Variants in BBOX1 observed in about 807,000 individuals in gnomAD.
The protein encoded by BBOX1 is gamma-butyrobetaine dioxygenase.
BBOX1 carries 35 observed loss-of-function variants against 41.6 expected under a neutral mutation model. The ratio of observed to expected loss-of-function variants is 0.84; its 90% CI spans 0.64 to 1.11. BBOX1 has a LOEUF of 1.11. BBOX1 is among the 50% of genes most tolerant of loss of function. The probability of loss-of-function intolerance (pLI) is 0.00; values close to 1 mark genes in which losing one functional copy is unlikely to be tolerated. For synonymous variants in BBOX1, 163 were observed against 154.7 expected (o/e 1.05, Z -0.40); for missense variants, 458 against 460.6 (o/e 0.99, Z 0.05).
intron 4 of BBOX1, among the ~76,000 whole-genome samples, chr11:27,068,746 T>G (rs1157598877): frequency 6.6e-6 from 1 of 152,070 alleles, no homozygotes. Context: ...AGTTGATTTT[T>G]TATAAGGTAT....
rs1048732874 is a variant in BBOX1 at position 27,125,949 on chromosome 11, G to A, written c.1003+129G>A. The stretch of plus-strand genomic sequence containing the variant: ...AACACCAACAACAGAATCTTGGTGA[G>A]CAACTGACTTGCTTATGTAGTGGAC... On this transcript the variant is annotated intron_variant, in intron 8 of 8. Coordinates refer to ENST00000263182, the MANE Select transcript of BBOX1 (RefSeq NM_003986.3). 5.2e-6 allele frequency: 5 copies of A among 956,426 alleles called. No individual in the cohort carries two copies. In the African/African-American group the frequency reaches 8.3e-5, roughly 16 times the overall value. The allele number at this position is 956,426 out of a possible 1,614,324, so 59.2% of individuals were successfully genotyped here.
intron 4 of BBOX1, among the ~76,000 whole-genome samples, chr11:27,066,027 G>A (rs1857269265): frequency 6.6e-6 from 1 of 152,054 alleles, no homozygotes; most frequent in Non-Finnish European, 1.5e-5. Flanking sequence ...TTTTAGTTTA[G>A]TTGCCACATT....
In BBOX1 at chr11:27,060,315, C is replaced by T. The variant is rs143322147; in HGVS notation, c.334+3000C>T. 2.8e-4 allele frequency among the ~76,000 whole-genome samples: 42 copies of T among 152,216 alleles called. No homozygotes were observed. In the East Asian group the frequency reaches 7.7e-3, roughly 28 times the overall value. ...TTTTGCTATGTGATCTGCCTGCTCCCCCTTTCAGCTTCCATCATGATTTTA... is the reference window on the plus strand; with the variant it reads ...TTTTGCTATGTGATCTGCCTGCTCCTCCTTTCAGCTTCCATCATGATTTTA... On this transcript the variant is annotated intron_variant, in intron 4 of 8. Coordinates refer to ENST00000263182, the MANE Select transcript of BBOX1 (RefSeq NM_003986.3).
At chr11:27,061,649 G>A (rs1227298530) in intron 4 of BBOX1, among the ~76,000 whole-genome samples, 3 of 152,174 alleles carry the variant, frequency 2.0e-5, no homozygotes, top group African/African-American at 7.2e-5. Context: ...AACCCTTGGA[G>A]TGAGGGTTAC....
At chr11:27,126,888 A>G (rs1364697875) in intron 8 of BBOX1, among the ~76,000 whole-genome samples, 1 of 151,978 alleles carries the variant, frequency 6.6e-6, no homozygotes, top group Non-Finnish European at 1.5e-5. Context: ...GTTAGCCAGG[A>G]TGGTCTAGAT....
intron 2 of BBOX1, among the ~76,000 whole-genome samples, chr11:27,041,924 A>G (rs1338239133): frequency 1.3e-5 from 2 of 152,188 alleles, no homozygotes; most frequent in East Asian, 3.9e-4. Context: ...TGGTGACTGC[A>G]TATGATACCC....
At chr11:27,068,529 T>C (rs898763089) in intron 4 of BBOX1, among the ~76,000 whole-genome samples, 3 of 152,084 alleles carry the variant, frequency 2.0e-5, no homozygotes, top group Admixed American at 6.6e-5. Context: ...TTGTTTACTC[T>C]GGTAATTTTT....
intron 4 of BBOX1, among the ~76,000 whole-genome samples, chr11:27,090,135 C>T (rs1047089704): frequency 4.0e-5 from 6 of 151,892 alleles, no homozygotes; most frequent in African/African-American, 9.7e-5. Context: ...GGGAACTTCA[C>T]GAACATGAAA....
At chr11:27,108,825 A>G (rs1858954252) in intron 5 of BBOX1, among the ~76,000 whole-genome samples, 2 of 152,058 alleles carry the variant, frequency 1.3e-5, no homozygotes, top group South Asian at 4.1e-4. Flanking sequence ...TCTTTTTCTC[A>G]TTAAGAAAAA....
chr11:27,121,893 T>C (rs145500556), intron 7 of BBOX1, among the ~76,000 whole-genome samples: 9 of 152,316 alleles, frequency 5.9e-5, no homozygotes, highest in African/African-American at 2.2e-4. Context: ...TAACTGAATG[T>C]CCACCATGTG....
chr11:27,116,092 C>A (rs368496154), intron 6 of BBOX1, among the ~76,000 whole-genome samples: 6 of 151,926 alleles, frequency 3.9e-5, no homozygotes, highest in African/African-American at 1.5e-4. Context: ...CAATGACAGA[C>A]TGGATAAAGA....
intron 3 of BBOX1, among the ~76,000 whole-genome samples, chr11:27,055,920 G>C (rs1354036679): frequency 6.6e-6 from 1 of 152,112 alleles, no homozygotes; most frequent in Admixed American, 6.5e-5. Flanking sequence ...TACAAGGCTT[G>C]TTCTGGGATT....
At chr11:27,069,236 G>A (rs1857374196) in intron 4 of BBOX1, among the ~76,000 whole-genome samples, 1 of 152,024 alleles carries the variant, frequency 6.6e-6, no homozygotes, top group South Asian at 2.1e-4. Flanking sequence ...CCATTTGTTT[G>A]TGTCACGTAT....
chr11:27,066,845 T>C (rs1857301878), intron 4 of BBOX1, among the ~76,000 whole-genome samples: 2 of 152,204 alleles, frequency 1.3e-5, no homozygotes, highest in South Asian at 4.1e-4. Flanking sequence ...AGTTCTACTC[T>C]ATCCAAAAAT....
rs776871408 is a variant in BBOX1, at chr11:27,127,387, T to G, written c.1098T>G (p.Tyr366Ter). The G allele has an allele frequency of 2.5e-6, 4 of 1,614,196 alleles. No homozygotes were observed. In the South Asian group the frequency reaches 4.4e-5, roughly 18 times the overall value. Residue 366 changes from tyrosine (Y) to a stop codon, truncating the protein, a stop_gained, in exon 9 of 9, where the codon TAT (tyrosine) becomes TAG (stop). Coordinates refer to ENST00000263182, the MANE Select transcript of BBOX1 (RefSeq NM_003986.3). LOFTEE classifies it high-confidence loss of function. ...TATCCCGCCATCTAGAAGGAGCTTA[T>G]GCTGACTGGGATGTGGTCATGTCAA... ...TEISRHLEGA[Y>*]ADWDVVMSRL...
chr11:27,111,228 G>T (rs746779506), intron 5 of BBOX1, among the ~76,000 whole-genome samples: 28 of 151,850 alleles, frequency 1.8e-4, no homozygotes, highest in Non-Finnish European at 2.9e-4. Context: ...GGCCATTATT[G>T]TCAGCAAATT....
chr11:27,044,994 C>T (rs911734044), intron 2 of BBOX1, among the ~76,000 whole-genome samples: 7 of 152,128 alleles, frequency 4.6e-5, no homozygotes, highest in Admixed American at 2.0e-4. Flanking sequence ...ATGGGGATAG[C>T]ATTGAATCTA....
intron 7 of BBOX1, among the ~76,000 whole-genome samples, chr11:27,121,778 T>A (rs1859473842): frequency 6.6e-6 from 1 of 152,204 alleles, no homozygotes; most frequent in Non-Finnish European, 1.5e-5. Context: ...AGTCAAATAT[T>A]AACTTAAAAA....
At chr11:27,111,920 G>A (rs761019808) in intron 5 of BBOX1, among the ~76,000 whole-genome samples, 44 of 151,794 alleles carry the variant, frequency 2.9e-4, no homozygotes, top group Admixed American at 1.5e-3. Context: ...AATCCTTGAC[G>A]AATTAATGGA....
Sources: gnomAD v4.1 joint callset for allele counts (sites outside exome capture counted in the v4.1 genomes callset) on GRCh38, gnomAD v4.1.1 for gene constraint, MANE v1.5 for transcripts, NCBI Gene and HGNC (gene_info 2026-07-23, HGNC 2026-07-21) for gene names.